SS18L1: variants seen among roughly 807,000 people sequenced by gnomAD.
SS18L1 encodes the protein SS18L1 subunit of BAF chromatin remodeling complex, also known as calcium-responsive transactivator.
In SS18L1, 32 loss-of-function variants were observed where a neutral mutation model predicts 70.3. The ratio of observed to expected loss-of-function variants is 0.46; its 90% CI spans 0.34 to 0.61. The LOEUF is 0.61. Among genes scored for constraint, SS18L1 ranks in the 20% least tolerant of loss-of-function variants. The pLI, the probability that SS18L1 is intolerant of heterozygous loss-of-function variation, is 0.01. For synonymous variants in SS18L1, 237 were observed against 229.7 expected (o/e 1.03, Z -0.29); for missense variants, 430 against 542.1 (o/e 0.79, Z 2.05).
At chr20:62,163,912 G>A (rs1320485028) in intron 6 of SS18L1, among the ~76,000 whole-genome samples, 1 of 152,176 alleles carries the variant, frequency 6.6e-6, no homozygotes, top group African/African-American at 2.4e-5. Flanking sequence ...AGCACTTTGG[G>A]AGGCCGAGGT....
At chr20:62,157,693 T>C (rs1308995772) in intron 1 of SS18L1, among the ~76,000 whole-genome samples, 1 of 152,176 alleles carries the variant, frequency 6.6e-6, no homozygotes, top group African/African-American at 2.4e-5. Flanking sequence ...ACACACTTTA[T>C]GTGTAAGACA....
intron 3 of SS18L1, among the ~76,000 whole-genome samples, chr20:62,160,276 ATGGGGAGAGGTGGGG>A (rs1362358339): frequency 1.1e-4 from 9 of 80,854 alleles, no homozygotes; most frequent in East Asian, 3.5e-4. Context: ...GAGAGGTGGG[ATGGGGAGAGGTGGGG>A]TGGGGAGAGG....
At chr20:62,169,042 G>C (rs1344526803) in intron 8 of SS18L1, among the ~76,000 whole-genome samples, 1 of 152,212 alleles carries the variant, frequency 6.6e-6, no homozygotes, top group Non-Finnish European at 1.5e-5. Flanking sequence ...CTGGGCAGGA[G>C]CATCGGGATG....
At chr20:62,154,311 G>A in intron 1 of SS18L1, 1 of 1,042,666 alleles carries the variant, frequency 9.6e-7, no homozygotes, top group Non-Finnish European at 1.2e-6. Flanking sequence ...GTCATCGAGT[G>A]CCCTTGGTTT....
intron 3 of SS18L1, 44 bp downstream of exon 3, chr20:62,160,005 T>C: frequency 6.4e-7 from 1 of 1,560,246 alleles, no homozygotes; most frequent in Non-Finnish European, 8.7e-7. Flanking sequence ...CAGCAAGGAC[T>C]CCGACACTGC....
In SS18L1 at chr20:62,158,118, C is replaced by G. The variant is rs1182110689; in HGVS notation, c.70-554C>G. ...GGGCACCAGGGCCTCTTGTGGGGTG[C>G]CCACAGGGTCCTGACATCCTTGCCA... On this transcript the variant is annotated intron_variant, in intron 1 of 10. Transcript: ENST00000331758. The surrounding 1 kb of genome is among the most constrained non-coding windows in gnomAD (Gnocchi z 4.5). 6.6e-6 allele frequency among the ~76,000 whole-genome samples: 1 copy of G among 152,164 alleles called. No individual in the cohort carries two copies. Among genetic ancestry groups the G allele is most frequent in the African/African-American group, 2.4e-5 (1 of 41,416 alleles).
rs1348237125 is a variant in SS18L1 at position 62,158,584 on chromosome 20, T to C, written c.70-88T>C. The C allele has an allele frequency of 1.3e-6, 2 of 1,544,740 alleles. No homozygotes were observed. Among genetic ancestry groups the C allele is most frequent in the Admixed American group, 1.9e-5 (1 of 51,946 alleles). ...TCACGTAAGGGACGCTCAACCTATA[T>C]GAAAACTAGATGTGTAGCGATGGCT... is the stretch of plus-strand genomic sequence containing the variant. On this transcript the variant is annotated intron_variant, in intron 1 of 10. Transcript: ENST00000331758. The surrounding 1 kb of genome is among the most constrained non-coding windows in gnomAD (Gnocchi z 4.5).
chr20:62,149,312 C>T (rs1048325791), intron 1 of SS18L1, among the ~76,000 whole-genome samples: 1 of 152,220 alleles, frequency 6.6e-6, no homozygotes, highest in African/African-American at 2.4e-5. Context: ...CCACCACCTC[C>T]CTCCATGTGA....
At chr20:62,163,377 CG>C in intron 5 of SS18L1, 80 bp from the exon 6 acceptor site, 1 of 1,492,986 alleles carries the variant, frequency 6.7e-7, no homozygotes, top group Non-Finnish European at 9.0e-7. Context: ...GGAACCCGCC[CG>C]GGCGCAGGAG....
chr20:62,149,555 G>A (rs548858569), intron 1 of SS18L1, among the ~76,000 whole-genome samples: 240 of 152,352 alleles, frequency 1.6e-3, no homozygotes, highest in African/African-American at 5.7e-3. Context: ...GCAGGGTGGG[G>A]CAGGCCGGGC....
chr20:62,172,291 C>T (rs915137599), intron 8 of SS18L1, among the ~76,000 whole-genome samples: 7 of 151,384 alleles, frequency 4.6e-5, no homozygotes, highest in Non-Finnish European at 7.4e-5. Context: ...TGCACCACTG[C>T]ACTCCAGCCT....
At chr20:62,144,840 T>C (rs912334097) in intron 1 of SS18L1, among the ~76,000 whole-genome samples, 8 of 152,264 alleles carry the variant, frequency 5.3e-5, no homozygotes, top group Non-Finnish European at 8.8e-5. Context: ...TGGTTTTTTT[T>C]CCTAAACTCT....
rs1175175308 is a variant in SS18L1 at position 62,174,612 on chromosome 20, G to T, written c.1132G>T (p.Ala378Ser). Reference sequence around the variant, plus strand: ...CCGAGCACCGCAGACAGCGCCGTCTGCCCAGCAGCAGCGGCCCTACGGCTA... The same window carrying T: ...CCGAGCACCGCAGACAGCGCCGTCTTCCCAGCAGCAGCGGCCCTACGGCTA... ...SYRAPQTAPSAQQQRPYGYEQ... is the reference protein window; with the variant it reads ...SYRAPQTAPSSQQQRPYGYEQ... The change falls in exon 10 of 11, where the codon GCC becomes TCC. Residue 378 changes from alanine to serine, a missense_variant. Transcript: ENST00000331758. The surrounding 1 kb of genome is among the most constrained non-coding windows in gnomAD (Gnocchi z 4.1). 1.2e-6 allele frequency: 2 copies of T among 1,613,594 alleles called. No homozygotes were observed. The highest frequency in any genetic ancestry group is 1.7e-6 in the Non-Finnish European group (2 of 1,180,056).
chr20:62,154,396 C>T lies in SS18L1; in HGVS notation c.70-4276C>T, dbSNP rs1351312021. 6.7e-6 allele frequency: 7 copies of T among 1,048,038 alleles called. No homozygotes were observed. The East Asian group carries it at 1.6e-4, about 25-fold the overall frequency. 64.9% of individuals were successfully genotyped at this position (1,048,038 alleles called of 1,614,324 possible). A position where few individuals can be genotyped will look rare whatever the true frequency, so the allele number is the denominator to read the frequency against. On this transcript the variant is annotated intron_variant, in intron 1 of 10. Coordinates refer to ENST00000331758, the MANE Select transcript of SS18L1 (RefSeq NM_198935.3). ...CCCCCTTCACGCCTGGTTGCGGTTT[C>T]GGCGGACTAGAATTTCTACGCAGAA...
rs961145881 is a variant in SS18L1, at chr20:62,175,006, C to T, written c.1164+362C>T. 4 of 820,812 alleles carry T rather than the reference C, an allele frequency of 4.9e-6. No individual in the cohort carries two copies. In the African/African-American group the frequency reaches 7.4e-5, roughly 15 times the overall value. 50.8% of individuals were successfully genotyped at this position (820,812 alleles called of 1,614,324 possible). A position where few individuals can be genotyped will look rare whatever the true frequency, so the allele number is the denominator to read the frequency against. ...CACTTTTAGAGCTTATGTCTCGCTA[C>T]AGAGACATAAGGTGGTCCCACAGGG... On this transcript the variant is annotated intron_variant, in intron 10 of 10. Coordinates refer to ENST00000331758, the MANE Select transcript of SS18L1 (RefSeq NM_198935.3).
chr20:62,167,815 CTTT>C (rs371641183), intron 8 of SS18L1, among the ~76,000 whole-genome samples: 8 of 144,552 alleles, frequency 5.5e-5, no homozygotes, highest in South Asian at 2.2e-4. Flanking sequence ...GATGTAGCTA[CTTT>C]TTTTTTTTTT....
chr20:62,155,542 A>T (rs1430365348), intron 1 of SS18L1, among the ~76,000 whole-genome samples: 1 of 152,148 alleles, frequency 6.6e-6, no homozygotes, highest in South Asian at 2.1e-4. Context: ...GCTTCTGCGG[A>T]TTGGAGGCCG....
At chr20:62,162,620 C>T in intron 4 of SS18L1, 132 bp from the exon 5 acceptor site, 1 of 921,212 alleles carries the variant, frequency 1.1e-6, no homozygotes. Context: ...TTATTAGTCA[C>T]TTAATCATTA....
chr20:62,179,085 T>C (rs1377548044), intron 10 of SS18L1, 97 bp from the exon 11 acceptor site: 2 of 1,351,690 alleles, frequency 1.5e-6, no homozygotes, highest in African/African-American at 1.4e-5. Context: ...GTTTGCTTGC[T>C]GTTGTCCCTC....
Sources: allele counts gnomAD v4.1 joint callset (sites outside exome capture counted in the v4.1 genomes callset), GRCh38; gene constraint gnomAD v4.1.1; non-coding constraint Gnocchi (gnomAD v3.1); transcripts MANE v1.5; gene names NCBI Gene and HGNC (gene_info 2026-07-23, HGNC 2026-07-21).